The following RBMS3 variants were observed in gnomAD, a reference collection of about 807,000 sequenced individuals.
RBMS3 encodes the protein RNA binding motif single stranded interacting protein 3, also known as RNA-binding motif, single-stranded-interacting protein 3.
A neutral mutation model predicts 66.8 loss-of-function variants in RBMS3; 27 were observed. That is an observed-to-expected ratio of 0.40 (90% CI 0.30 to 0.56). The LOEUF is 0.56. Among genes scored for constraint, RBMS3 ranks in the 20% least tolerant of loss-of-function variants. RBMS3 has a pLI of 0.40. For missense variants in RBMS3, 513 were observed against 549.5 expected (o/e 0.93, Z 0.66); for synonymous variants, 188 against 183.0 (o/e 1.03, Z -0.22).
intron 3 of RBMS3, among the ~76,000 whole-genome samples, chr3:29,510,922 T>G (rs550839444): frequency 6.0e-4 from 92 of 152,352 alleles, no homozygotes; most frequent in Non-Finnish European, 1.1e-3. Flanking sequence ...AAATATTTTA[T>G]TATGAAAAGA....
chr3:29,370,563 A>G (rs1427370901), intron 1 of RBMS3, among the ~76,000 whole-genome samples: 3 of 152,298 alleles, frequency 2.0e-5, no homozygotes, highest in African/African-American at 4.8e-5. Context: ...TGGCTCATCC[A>G]CTTGTGAGAC....
chr3:29,740,397 T>G (rs536178355), intron 5 of RBMS3, among the ~76,000 whole-genome samples: 2 of 152,214 alleles, frequency 1.3e-5, no homozygotes, highest in Non-Finnish European at 2.9e-5. Flanking sequence ...AGAAGCCATT[T>G]GCATTTAAGA....
In RBMS3 at chr3:29,868,827, T is replaced by G. The variant is rs954555996; in HGVS notation, c.638-31T>G. 5 of 1,535,386 alleles carry G rather than the reference T, an allele frequency of 3.3e-6. No individual in the cohort carries two copies. The Admixed American group carries it at 7.6e-5, about 23-fold the overall frequency. The stretch of plus-strand genomic sequence containing the variant: ...TCACTTAGTTTTTAAGGGGGAGTTG[T>G]TAATGTAGAATTGGTTTCTTATCTT... On this transcript the variant is annotated intron_variant, in intron 6 of 14. Coordinates refer to ENST00000383767, the MANE Select transcript of RBMS3 (RefSeq NM_001003793.3).
At chr3:29,667,649 G>T (rs181548451) in intron 4 of RBMS3, among the ~76,000 whole-genome samples, 2 of 152,192 alleles carry the variant, frequency 1.3e-5, no homozygotes, top group Admixed American at 6.5e-5. Flanking sequence ...TTACTATAAA[G>T]ATTCTGAAGG....
intron 3 of RBMS3, among the ~76,000 whole-genome samples, chr3:29,509,202 C>G (rs187887878): frequency 6.6e-6 from 1 of 152,016 alleles, no homozygotes; most frequent in East Asian, 1.9e-4. Context: ...AATGAGCAAC[C>G]TATGTGGCCA....
rs189665716 is a variant in RBMS3 at position 29,599,625 on chromosome 3, G to A, written c.399+12420G>A. Among the ~76,000 whole-genome samples, 444 of 152,178 alleles carry A rather than the reference G, an allele frequency of 2.9e-3. 1 individual carries two copies. Among genetic ancestry groups the A allele is most frequent in the African/African-American group, 0.01 (433 of 41,536 alleles). On this transcript the variant is annotated intron_variant, in intron 4 of 14. Coordinates refer to ENST00000383767, the MANE Select transcript of RBMS3 (RefSeq NM_001003793.3). The stretch of plus-strand genomic sequence containing the variant: ...CATGAAAAGACACACGTCCACAGGT[G>A]TGTAGGCTTATTAGAAACGTAACTA...
intron 3 of RBMS3, among the ~76,000 whole-genome samples, chr3:29,535,062 A>T (rs1357560712): frequency 6.6e-6 from 1 of 152,172 alleles, no homozygotes; most frequent in African/African-American, 2.4e-5. Flanking sequence ...GAGTGCAAAT[A>T]ATGGAGGAAT....
intron 7 of RBMS3, among the ~76,000 whole-genome samples, chr3:29,882,795 T>C (rs17618136): frequency 0.21 from 31,946 of 151,908 alleles, 3,785 homozygotes; most frequent in Non-Finnish European, 0.27. Flanking sequence ...ATAAAAAAAC[T>C]CAAACAGGCA....
At position 29,442,933 on chromosome 3, in the gene RBMS3, C is replaced by T. The variant is rs559565302; in HGVS notation, c.248+8018C>T. Among the ~76,000 whole-genome samples, 21 of 152,132 alleles carry T rather than the reference C, an allele frequency of 1.4e-4. No individual in the cohort carries two copies. The East Asian group carries it at 3.7e-3, about 27-fold the overall frequency. On this transcript the variant is annotated intron_variant, in intron 2 of 14. Transcript: ENST00000383767. ...TTGGAGTTTTCTGGAGATTGGACCC[C>T]TCTTTTCACTCTATAAACTGTCTGC... is the stretch of plus-strand genomic sequence containing the variant.
intron 6 of RBMS3, chr3:29,767,317 T>C (rs2055973375): frequency 6.6e-6 from 1 of 151,592 alleles, no homozygotes; most frequent in African/African-American, 2.4e-5. Flanking sequence ...TGTTTTTTCC[T>C]GTAAGCACGT....
Position 29,953,615 on chromosome 3 carries a change from T to C in RBMS3, c.1098+9361T>C, listed in dbSNP as rs141884589. Among the ~76,000 whole-genome samples, 242 of 152,052 alleles carry C rather than the reference T, an allele frequency of 1.6e-3. 1 individual carries two copies. Among genetic ancestry groups the C allele is most frequent in the African/African-American group, 5.5e-3 (227 of 41,540 alleles). ...AAATAGTGTTTTATTCATCACATAG[T>C]ATGTATTCATCACATACATACTATG... On this transcript the variant is annotated intron_variant, in intron 12 of 14. Transcript: ENST00000383767.
intron 1 of RBMS3, among the ~76,000 whole-genome samples, chr3:29,359,017 T>C (rs2037399287): frequency 6.6e-6 from 1 of 152,204 alleles, no homozygotes; most frequent in Non-Finnish European, 1.5e-5. Context: ...CTTCCTCTTT[T>C]CCTAATTGAA....
At chr3:29,438,594 A>T (rs562068495) in intron 2 of RBMS3, among the ~76,000 whole-genome samples, 1 of 152,224 alleles carries the variant, frequency 6.6e-6, no homozygotes, top group South Asian at 2.1e-4. Context: ...CAATAAATAT[A>T]AAGAATGATT....
chr3:29,879,647 C>T (rs1286260591), intron 7 of RBMS3, among the ~76,000 whole-genome samples: 1 of 151,914 alleles, frequency 6.6e-6, no homozygotes, highest in Non-Finnish European at 1.5e-5. Flanking sequence ...ATGTATCAGG[C>T]CAGACCTCAA....
chr3:29,471,789 A>G (rs925738781), intron 2 of RBMS3, among the ~76,000 whole-genome samples: 5 of 150,462 alleles, frequency 3.3e-5, no homozygotes, highest in African/African-American at 1.2e-4. Context: ...CTTAGACACA[A>G]TAAAATCCAA....
At chr3:29,388,868 A>G (rs1307027147) in intron 1 of RBMS3, among the ~76,000 whole-genome samples, 1 of 151,986 alleles carries the variant, frequency 6.6e-6, no homozygotes, top group Non-Finnish European at 1.5e-5. Context: ...CTGGCCCAAA[A>G]TTTTTCTGTT....
chr3:29,569,147 A>G (rs1458604394), intron 3 of RBMS3, among the ~76,000 whole-genome samples: 1 of 152,184 alleles, frequency 6.6e-6, no homozygotes, highest in Non-Finnish European at 1.5e-5. Context: ...TTCTGCTTGC[A>G]GAGCCATTTT....
At chr3:29,571,493 G>A (rs927542667) in intron 3 of RBMS3, among the ~76,000 whole-genome samples, 1 of 152,108 alleles carries the variant, frequency 6.6e-6, no homozygotes, top group African/African-American at 2.4e-5. Context: ...TCTGTATATG[G>A]ATATCTAGTT....
intron 3 of RBMS3, among the ~76,000 whole-genome samples, chr3:29,491,541 T>C (rs900113390): frequency 1.1e-4 from 17 of 152,202 alleles, no homozygotes; most frequent in Admixed American, 9.2e-4. Context: ...AAAATACTTT[T>C]ATCTCTAGTG....
Sources: gnomAD v4.1 joint callset for allele counts (sites outside exome capture counted in the v4.1 genomes callset) on GRCh38, gnomAD v4.1.1 for gene constraint, MANE v1.5 for transcripts, NCBI Gene and HGNC (gene_info 2026-07-23, HGNC 2026-07-21) for gene names.